The following TEX9 variants were observed in gnomAD, a reference collection of about 807,000 sequenced individuals.
TEX9 encodes testis-expressed protein 9.
A neutral mutation model predicts 59.6 loss-of-function variants in TEX9; 74 were observed. The ratio of observed to expected loss-of-function variants is 1.24; its 90% CI spans 1.03 to 1.51. The LOEUF is 1.51. Among genes scored for constraint, TEX9 ranks in the 40% most tolerant of loss-of-function variants. The probability of loss-of-function intolerance (pLI) is 0.00; values close to 1 mark genes in which losing one functional copy is unlikely to be tolerated. For missense variants in TEX9, 522 were observed against 447.8 expected (o/e 1.17, Z -1.49); for synonymous variants, 186 against 152.2 (o/e 1.22, Z -1.64).
chr15:56,330,018 G>A (rs2046107885), intron 1 of TEX9, among the ~76,000 whole-genome samples: 1 of 150,796 alleles, frequency 6.6e-6, no homozygotes, highest in Admixed American at 6.6e-5. Flanking sequence ...ATCCTAAAAG[G>A]AGCAAGAGAA....
intron 2 of TEX9, 76 bp from the exon 3 acceptor site, chr15:56,373,365 T>TA: frequency 2.2e-6 from 3 of 1,369,568 alleles, no homozygotes; most frequent in Non-Finnish European, 3.0e-6. Flanking sequence ...CGTCACTTGA[T>TA]AACGTGTAAT....
At chr15:56,297,376 ATC>A (rs1316702304) in intron 1 of TEX9, among the ~76,000 whole-genome samples, 2 of 152,252 alleles carry the variant, frequency 1.3e-5, no homozygotes, top group African/African-American at 2.4e-5. Context: ...TACCATAAGC[ATC>A]TTTTATCTAT....
At chr15:56,393,922 C>T (rs148985911) in intron 7 of TEX9, 6 of 304,244 alleles carry the variant, frequency 2.0e-5, no homozygotes, top group East Asian at 8.2e-5. Flanking sequence ...CACCCTGGTG[C>T]GTGTGAATTT....
chr15:56,434,519 A>C, intron 12 of TEX9: 1 of 1,040,436 alleles, frequency 9.6e-7, no homozygotes. Context: ...TGAAAAAGTA[A>C]GGCTTTTCAT....
intron 9 of TEX9, chr15:56,398,357 G>C (rs574008313): frequency 1.7e-4 from 26 of 152,072 alleles, no homozygotes; most frequent in African/African-American, 5.1e-4. Context: ...TTCTTGCAGT[G>C]GCTACTAGAA....
At chr15:56,442,143 C>T (rs1422155729) in intron 12 of TEX9, among the ~76,000 whole-genome samples, 1 of 152,102 alleles carries the variant, frequency 6.6e-6, no homozygotes, top group Non-Finnish European at 1.5e-5. Flanking sequence ...TGCTCAATAT[C>T]ACTAATCATT....
chr15:56,333,127 T>C (rs2046189154), intron 1 of TEX9, among the ~76,000 whole-genome samples: 1 of 151,978 alleles, frequency 6.6e-6, no homozygotes, highest in African/African-American at 2.4e-5. Context: ...CTCCAACTAT[T>C]CTGAAAAATA....
intron 1 of TEX9, among the ~76,000 whole-genome samples, chr15:56,331,350 G>A (rs934432882): frequency 5.3e-5 from 8 of 152,104 alleles, no homozygotes; most frequent in Non-Finnish European, 7.4e-5. Flanking sequence ...TGCAGAATAC[G>A]CATTCTTCTC....
rs192291663 is a variant in TEX9, at chr15:56,356,721, G to C, written c.-106-16720G>C. ...TTGAATATTTTTAACTTCCTGAAAA[G>C]AAGAGTGGGCTTATTGTGATAATTA... is the stretch of plus-strand genomic sequence containing the variant. On this transcript the variant is annotated intron_variant, in intron 1 of 5. Coordinates refer to the TEX9 transcript ENST00000560827. Among the ~76,000 whole-genome samples, 130 of 152,248 alleles carry C rather than the reference G, an allele frequency of 8.5e-4. 1 individual carries two copies. Among genetic ancestry groups the C allele is most frequent in the Non-Finnish European group, 1.2e-3 (82 of 68,014 alleles).
intron 1 of TEX9, among the ~76,000 whole-genome samples, chr15:56,315,974 G>C (rs1189213448): frequency 1.3e-5 from 2 of 151,474 alleles, no homozygotes; most frequent in Non-Finnish European, 2.9e-5. Context: ...TCTTCACGTA[G>C]CTCTCGAGCC....
chr15:56,311,221 C>T (rs2045605318), intron 1 of TEX9, among the ~76,000 whole-genome samples: 1 of 144,194 alleles, frequency 6.9e-6, no homozygotes, highest in Non-Finnish European at 1.5e-5. Context: ...TATACATGTG[C>T]CATGCTGGTG....
chr15:56,250,169 C>T (rs577533468), intron 1 of TEX9, among the ~76,000 whole-genome samples: 2 of 152,256 alleles, frequency 1.3e-5, no homozygotes, highest in East Asian at 1.9e-4. Flanking sequence ...CTTGCACACC[C>T]AAATTTGTAC....
intron 1 of TEX9, among the ~76,000 whole-genome samples, chr15:56,309,043 A>C (rs2045544949): frequency 6.6e-6 from 1 of 152,148 alleles, no homozygotes; most frequent in Non-Finnish European, 1.5e-5. Flanking sequence ...TTGTATTGCT[A>C]TATGAATTTT....
At chr15:56,317,323 A>C (rs1283147944) in intron 1 of TEX9, among the ~76,000 whole-genome samples, 1 of 152,240 alleles carries the variant, frequency 6.6e-6, no homozygotes, top group African/African-American at 2.4e-5. Flanking sequence ...TTCATTGGCA[A>C]ACAATTATTC....
At chr15:56,309,638 A>G (rs2045559255) in intron 1 of TEX9, among the ~76,000 whole-genome samples, 1 of 143,804 alleles carries the variant, frequency 7.0e-6, no homozygotes, top group Non-Finnish European at 1.5e-5. Flanking sequence ...TTAATTCTTT[A>G]AAAGTTGAGT....
chr15:56,371,378 AT>A (rs1410509503), intron 2 of TEX9, among the ~76,000 whole-genome samples: 1 of 151,962 alleles, frequency 6.6e-6, no homozygotes, highest in Non-Finnish European at 1.5e-5. Flanking sequence ...TTTTTCATTT[AT>A]GTAATTTATA....
intron 1 of TEX9, among the ~76,000 whole-genome samples, chr15:56,275,440 C>T (rs995030381): frequency 2.6e-5 from 4 of 152,136 alleles, no homozygotes; most frequent in Admixed American, 1.3e-4. Context: ...CCTCATGAGC[C>T]CTAGGGAGAA....
At chr15:56,459,604 C>T in the TEX9 span, among the ~76,000 whole-genome samples, 33 of 152,180 alleles carry the variant, frequency 2.2e-4, no homozygotes, top group East Asian at 1.9e-3. Context: ...CAGCAACTAA[C>T]GTGTACTCTT....
At chr15:56,266,310 G>C (rs1410347761) in intron 1 of TEX9, among the ~76,000 whole-genome samples, 4 of 151,168 alleles carry the variant, frequency 2.6e-5, no homozygotes, top group African/African-American at 9.7e-5. Flanking sequence ...ATTTTTAGTA[G>C]AGATGGGGTT....
Sources: allele counts gnomAD v4.1 joint callset (sites outside exome capture counted in the v4.1 genomes callset), GRCh38; gene constraint gnomAD v4.1.1; transcripts MANE v1.5; gene names NCBI Gene and HGNC (gene_info 2026-07-23, HGNC 2026-07-21).